RNF169: variants seen among roughly 807,000 people sequenced by gnomAD.
RNF169 encodes E3 ubiquitin-protein ligase RNF169.
RNF169 carries 24 observed loss-of-function variants against 53.9 expected under a neutral mutation model. That is an observed-to-expected ratio of 0.45 (90% CI 0.32 to 0.63). The LOEUF (loss-of-function observed/expected upper bound fraction) is 0.63. Among genes scored for constraint, RNF169 ranks in the 20% least tolerant of loss-of-function variants. RNF169 has a pLI of 0.04. For synonymous variants in RNF169, 396 were observed against 363.5 expected, an observed-to-expected ratio of 1.09 and a Z score of -1.02; for missense variants, 883 against 906.2, an observed-to-expected ratio of 0.97 and a Z score of 0.33.
chr11:74,773,412 G>T (rs137969455), intron 1 of RNF169, among the ~76,000 whole-genome samples: 117 of 152,172 alleles, frequency 7.7e-4, no homozygotes, highest in Non-Finnish European at 1.5e-3. Flanking sequence ...CAGCTTAGAT[G>T]ACTTGATTAT....
intron 1 of RNF169, among the ~76,000 whole-genome samples, chr11:74,756,371 T>C (rs1032731067): frequency 3.9e-5 from 6 of 152,234 alleles, no homozygotes; most frequent in Non-Finnish European, 7.3e-5. Context: ...GTTCAAATTC[T>C]AGCTTTGCTA....
intron 2 of RNF169, 70 bp downstream of exon 2, chr11:74,789,769 G>A (rs1359551550): frequency 2.9e-6 from 3 of 1,042,352 alleles, no homozygotes; most frequent in Non-Finnish European, 4.4e-6. Flanking sequence ...ATGCTTAGTG[G>A]GAGTTTTGAC....
chr11:74,785,671 T>G (rs1441083867), intron 1 of RNF169, among the ~76,000 whole-genome samples: 1 of 152,052 alleles, frequency 6.6e-6, no homozygotes, highest in Non-Finnish European at 1.5e-5. Context: ...AAATGATCCT[T>G]AAAGCATTAA....
intron 4 of RNF169, among the ~76,000 whole-genome samples, chr11:74,823,738 G>GAAAAAAAA (rs35164191): frequency 9.5e-6 from 1 of 105,774 alleles, no homozygotes; most frequent in Non-Finnish European, 2.0e-5. Context: ...CCCTGTCTCA[G>GAAAAAAAA]AAAAAAAAAA....
chr11:74,835,273 A>G (rs2036236397), intron 5 of RNF169, among the ~76,000 whole-genome samples: 1 of 152,174 alleles, frequency 6.6e-6, no homozygotes, highest in South Asian at 2.1e-4. Context: ...ATAAGCCACC[A>G]TGCCTGGACA....
chr11:74,784,992 C>T (rs10501420), intron 1 of RNF169, among the ~76,000 whole-genome samples: 6,715 of 151,818 alleles, frequency 0.044, 248 homozygotes, highest in Middle Eastern at 0.069. Flanking sequence ...TTTCATTAAA[C>T]GTTAGCTGTT....
intron 4 of RNF169, among the ~76,000 whole-genome samples, chr11:74,825,742 A>T (rs1485473046): frequency 7.2e-5 from 11 of 152,248 alleles, no homozygotes; most frequent in Admixed American, 5.9e-4. Context: ...TCAATGCAAA[A>T]GTCCTCAATA....
intron 1 of RNF169, among the ~76,000 whole-genome samples, chr11:74,780,844 A>G (rs557606978): frequency 1.1e-4 from 16 of 152,232 alleles, no homozygotes; most frequent in Admixed American, 2.0e-4. Context: ...GAGTGCAGCT[A>G]TTAAGAGGCA....
Position 74,834,727 on chromosome 11 carries a change from G to A in RNF169, c.894G>A (p.Gln298=). The A allele has an allele frequency of 6.2e-7, 1 of 1,614,010 alleles. No homozygotes were observed. Among genetic ancestry groups the A allele is most frequent in the Non-Finnish European group, 8.5e-7 (1 of 1,179,942 alleles). ...ERSQSCSDTA[Q]ERAKSRVRAV... ...GTCAGAGCTGTAGTGACACAGCCCAGGAAAGAGCGAAGAGCAGAGTCAGAG... is the reference window on the plus strand; with the variant it reads ...GTCAGAGCTGTAGTGACACAGCCCAAGAAAGAGCGAAGAGCAGAGTCAGAG... Residue 298 remains glutamine (Q), a synonymous_variant, in exon 5 of 6, where the codon CAG becomes CAA. Transcript: ENST00000299563.
chr11:74,780,387 A>G (rs1422449112), intron 1 of RNF169, among the ~76,000 whole-genome samples: 1 of 152,162 alleles, frequency 6.6e-6, no homozygotes, highest in Non-Finnish European at 1.5e-5. Flanking sequence ...ATTCCAGTCT[A>G]TCTGACACAA....
intron 2 of RNF169, among the ~76,000 whole-genome samples, chr11:74,794,986 G>A (rs1373367071): frequency 6.6e-6 from 1 of 152,042 alleles, no homozygotes; most frequent in East Asian, 1.9e-4. Flanking sequence ...TTTTATTTCT[G>A]TAGAGATGAG....
Position 74,817,716 on chromosome 11 carries a change from T to C in RNF169, c.842+2T>C. 1 of 1,579,922 alleles carries C rather than the reference T, an allele frequency of 6.3e-7. No homozygotes were observed. Among genetic ancestry groups the C allele is most frequent in the Non-Finnish European group, 8.7e-7 (1 of 1,148,872 alleles). ...CTACTCCTTAGCTTTCCTGGCAGGGTAAGAGACTGATGCTGAATTCAGTCA... is the reference window on the plus strand; with the variant it reads ...CTACTCCTTAGCTTTCCTGGCAGGGCAAGAGACTGATGCTGAATTCAGTCA... On this transcript the variant is annotated splice_donor_variant, in intron 4 of 5. Transcript: ENST00000299563. LOFTEE classifies it high-confidence loss of function.
At chr11:74,824,131 G>A (rs1205703607) in intron 4 of RNF169, among the ~76,000 whole-genome samples, 2 of 152,042 alleles carry the variant, frequency 1.3e-5, no homozygotes, top group Non-Finnish European at 2.9e-5. Flanking sequence ...AGAGCTAAAG[G>A]AACTATGGGC....
In RNF169 at chr11:74,795,749, C is replaced by T. The variant is rs79255752; in HGVS notation, c.576+6050C>T. 1.7e-3 allele frequency among the ~76,000 whole-genome samples: 263 copies of T among 151,714 alleles called. 9 individuals carry two copies. In the East Asian group the frequency reaches 0.049, roughly 28 times the overall value. ...GCACATGCCTGTAGTCCTAGCTACT[C>T]GGGAGGCTGAGGCAGGAGGATTGCT... On this transcript the variant is annotated intron_variant, in intron 2 of 5. Transcript: ENST00000299563.
At position 74,749,064 on chromosome 11, in the gene RNF169, C is replaced by T; in HGVS notation, c.184C>T (p.Arg62Trp). ...PPLLQPPLPPRPEESGCAGCL... is the reference protein window; with the variant it reads ...PPLLQPPLPPWPEESGCAGCL... ...GTTGCTGCAGCCGCCGCTGCCGCCG[C>T]GGCCGGAGGAATCGGGCTGCGCCGG... is the stretch of plus-strand genomic sequence containing the variant. Residue 62 changes from arginine (R) to tryptophan (W), a missense_variant, in exon 1 of 6, where the codon CGG becomes TGG. Physicochemically the swap from Arg to Trp is moderately radical, Grantham distance 101. This residue lies in a region of RNF169 where 313 missense variants were observed against 279.9 expected (regional missense o/e 1.12). Coordinates refer to ENST00000299563, the MANE Select transcript of RNF169 (RefSeq NM_001098638.2). 6.8e-7 allele frequency: 1 copy of T among 1,465,954 alleles called. No homozygotes were observed. The highest frequency in any genetic ancestry group is 1.3e-5 in the South Asian group (1 of 76,406). The allele number at this position is 1,465,954 out of a possible 1,614,324, so 90.8% of individuals were successfully genotyped here.
intron 1 of RNF169, among the ~76,000 whole-genome samples, chr11:74,772,604 A>G (rs2035276842): frequency 6.7e-6 from 1 of 149,972 alleles, no homozygotes; most frequent in Non-Finnish European, 1.5e-5. Flanking sequence ...TTACTTAGCT[A>G]TTTTTGACCT....
chr11:74,750,375 G>A lies in RNF169; in HGVS notation c.502+993G>A, dbSNP rs1276547196. 2.0e-5 allele frequency among the ~76,000 whole-genome samples: 3 copies of A among 152,190 alleles called. No homozygotes were observed. The East Asian group carries it at 5.8e-4, about 29-fold the overall frequency. On this transcript the variant is annotated intron_variant, in intron 1 of 5. Transcript: ENST00000299563. ...CAGATATTTGTACCTTCTGTTTTGG[G>A]AATTCTGCCATGTGTTTTTTTGGGT...
chr11:74,823,896 C>T (rs2036054528), intron 4 of RNF169, among the ~76,000 whole-genome samples: 1 of 152,082 alleles, frequency 6.6e-6, no homozygotes, highest in Non-Finnish European at 1.5e-5. Flanking sequence ...AAAAAAGTCA[C>T]TGAACAAATA....
In RNF169 at chr11:74,836,844, G is replaced by A; in HGVS notation, c.*114G>A. ...TTAATGGCAAAACACTGTCTAATAT[G>A]GTTCTGAGAGGTTCCAGGGCCTTTG... On this transcript the variant is annotated 3_prime_UTR_variant, in exon 6 of 6. Coordinates refer to ENST00000299563, the MANE Select transcript of RNF169 (RefSeq NM_001098638.2). 1 of 765,284 alleles carries A rather than the reference G, an allele frequency of 1.3e-6. No homozygotes were observed. The allele number at this position is 765,284 out of a possible 1,614,324, so 47.4% of individuals were successfully genotyped here.
Sources: allele counts gnomAD v4.1 joint callset (sites outside exome capture counted in the v4.1 genomes callset), GRCh38; gene constraint gnomAD v4.1.1; regional missense constraint gnomAD v4.1.1; transcripts MANE v1.5; gene names NCBI Gene and HGNC (gene_info 2026-07-23, HGNC 2026-07-21).